GALNT13: variants seen among roughly 807,000 people sequenced by gnomAD.
GALNT13 encodes polypeptide N-acetylgalactosaminyltransferase 13, also known as UDP-GalNAc:polypeptide N-acetylgalactosaminyltransferase 13.
Under a neutral mutation model 64.2 loss-of-function variants are expected in GALNT13, and 28 were observed. The observed-to-expected ratio is 0.44, with a 90% CI of 0.32 to 0.60. GALNT13 has a LOEUF of 0.60. Among genes scored for constraint, GALNT13 ranks in the 20% least tolerant of loss-of-function variants. GALNT13 has a pLI of 0.05. For synonymous variants in GALNT13, 214 were observed against 224.6 expected (o/e 0.95, Z 0.42); for missense variants, 577 against 669.8 (o/e 0.86, Z 1.53).
chr2:153,261,753 G>A, the GALNT13 span, among the ~76,000 whole-genome samples: 2 of 151,762 alleles, frequency 1.3e-5, no homozygotes, highest in Non-Finnish European at 2.9e-5. Context: ...CCAGGCTTGT[G>A]AGCTGGCCCC....
At chr2:153,399,480 T>G in the GALNT13 span, among the ~76,000 whole-genome samples, 1 of 152,122 alleles carries the variant, frequency 6.6e-6, no homozygotes. Context: ...GGTAGCTTGA[T>G]GGGGATGGCA....
chr2:153,738,659 ACTTC>A, the GALNT13 span, among the ~76,000 whole-genome samples: 12 of 151,838 alleles, frequency 7.9e-5, no homozygotes, highest in African/African-American at 1.2e-4. Context: ...TATCTACACA[ACTTC>A]CTTCTTTCTG....
At chr2:154,128,633 G>A (rs531198448) in intron 3 of GALNT13, among the ~76,000 whole-genome samples, 1 of 152,194 alleles carries the variant, frequency 6.6e-6, no homozygotes, top group Admixed American at 6.5e-5. Context: ...AAACATAAGG[G>A]GTGATGGTAG....
At chr2:153,072,079 T>C in the GALNT13 span, among the ~76,000 whole-genome samples, 4 of 152,342 alleles carry the variant, frequency 2.6e-5, no homozygotes, top group Non-Finnish European at 4.4e-5. Flanking sequence ...CCTGTTTATA[T>C]TGTTAATAAA....
the GALNT13 span, among the ~76,000 whole-genome samples, chr2:153,353,869 T>G: frequency 3.3e-5 from 5 of 152,198 alleles, no homozygotes; most frequent in African/African-American, 1.2e-4. Flanking sequence ...TATTTTCTTG[T>G]AATGTCTTTG....
chr2:153,157,987 G>A, the GALNT13 span, among the ~76,000 whole-genome samples: 16 of 152,086 alleles, frequency 1.1e-4, no homozygotes, highest in East Asian at 1.4e-3. Context: ...AAATAGTTAA[G>A]AAAGTATTGA....
the GALNT13 span, among the ~76,000 whole-genome samples, chr2:153,494,857 A>G: frequency 2.6e-5 from 4 of 152,102 alleles, no homozygotes; most frequent in Admixed American, 1.3e-4. Flanking sequence ...CAGAATATAT[A>G]TAATACTCTT....
the GALNT13 span, among the ~76,000 whole-genome samples, chr2:153,738,839 G>A: frequency 1.3e-5 from 2 of 151,778 alleles, no homozygotes; most frequent in African/African-American, 4.8e-5. Flanking sequence ...AAACATTATA[G>A]AAATTGTTCC....
chr2:153,803,605 C>T, the GALNT13 span, among the ~76,000 whole-genome samples: 330 of 148,092 alleles, frequency 2.2e-3, no homozygotes, highest in African/African-American at 5.9e-3. Flanking sequence ...GGCAGGAGAA[C>T]GGCGTGAACC....
intron 2 of GALNT13, among the ~76,000 whole-genome samples, chr2:153,915,105 T>C (rs1408821877): frequency 1.3e-5 from 2 of 152,146 alleles, no homozygotes; most frequent in Non-Finnish European, 2.9e-5. Context: ...ACCTCTGTTT[T>C]ATGTTAGCTT....
chr2:153,195,364 G>A, the GALNT13 span, among the ~76,000 whole-genome samples: 4 of 152,166 alleles, frequency 2.6e-5, no homozygotes, highest in African/African-American at 4.8e-5. Context: ...GAAACTGTGA[G>A]TCAAACATTG....
At chr2:154,090,290 A>G (rs1701741879) in intron 3 of GALNT13, among the ~76,000 whole-genome samples, 1 of 152,226 alleles carries the variant, frequency 6.6e-6, no homozygotes, top group African/African-American at 2.4e-5. Flanking sequence ...ACATCATTCT[A>G]TGGTTCCCTT....
chr2:154,107,588 CAAA>C (rs145286349), intron 3 of GALNT13, among the ~76,000 whole-genome samples: 1 of 72,264 alleles, frequency 1.4e-5, no homozygotes, highest in Non-Finnish European at 3.3e-5. Context: ...GACTACATCA[CAAA>C]AAAAAAAAAA....
chr2:153,068,815 G>A, the GALNT13 span, among the ~76,000 whole-genome samples: 1 of 152,120 alleles, frequency 6.6e-6, no homozygotes, highest in Admixed American at 6.5e-5. Flanking sequence ...GTGCTTTAGG[G>A]GAGCCTGAAC....
At chr2:153,619,595 G>A in the GALNT13 span, among the ~76,000 whole-genome samples, 9 of 151,940 alleles carry the variant, frequency 5.9e-5, no homozygotes, top group Middle Eastern at 3.4e-3. Context: ...CTTATAGGAC[G>A]GGCCTTGTAG....
chr2:153,121,330 T>A, the GALNT13 span, among the ~76,000 whole-genome samples: 28 of 152,346 alleles, frequency 1.8e-4, no homozygotes, highest in Admixed American at 7.2e-4. Context: ...AAATCTAAAA[T>A]AGATGAAGAA....
intron 3 of GALNT13, among the ~76,000 whole-genome samples, chr2:154,133,538 A>T (rs1190142512): frequency 5.2e-4 from 5 of 9,700 alleles, no homozygotes; most frequent in African/African-American, 1.1e-3. Context: ...ACCATTTTAT[A>T]TATATATATA....
chr2:153,876,696 C>T (rs1686405600), intron 1 of GALNT13, among the ~76,000 whole-genome samples: 1 of 152,064 alleles, frequency 6.6e-6, no homozygotes, highest in Non-Finnish European at 1.5e-5. Context: ...CTAAAGACAT[C>T]TGTGTGATTC....
At chr2:153,741,281 C>G in the GALNT13 span, among the ~76,000 whole-genome samples, 1 of 151,376 alleles carries the variant, frequency 6.6e-6, no homozygotes, top group South Asian at 2.1e-4. Flanking sequence ...TTTCAATTTT[C>G]TTCTTCAGTC....
Sources: allele counts gnomAD v4.1 joint callset (sites outside exome capture counted in the v4.1 genomes callset), GRCh38; gene constraint gnomAD v4.1.1; transcripts MANE v1.5; gene names NCBI Gene and HGNC (gene_info 2026-07-23, HGNC 2026-07-21).